The following AP3B1 variants were observed in gnomAD, a reference collection of about 807,000 sequenced individuals.
AP3B1 encodes adaptor related protein complex 3 subunit beta 1, also known as AP-3 complex subunit beta-1.
A neutral mutation model predicts 132.5 loss-of-function variants in AP3B1; 61 were observed. The ratio of observed to expected loss-of-function variants is 0.46; its 90% CI spans 0.37 to 0.57. AP3B1 has a LOEUF of 0.57. Among genes scored for constraint, AP3B1 ranks in the 20% least tolerant of loss-of-function variants. The pLI is 0.00. For missense variants in AP3B1, 1,120 were observed against 1,289.4 expected, an observed-to-expected ratio of 0.87 and a Z score of 2.01; for synonymous variants, 388 against 438.3, an observed-to-expected ratio of 0.89 and a Z score of 1.43.
In AP3B1 at chr5:78,201,122, C is replaced by T. The variant is rs137859016; in HGVS notation, c.786+14933G>A. The stretch of plus-strand genomic sequence containing the variant: ...CCTGCCAACACCTTGAGATCTTGCA[C>T]TTCTAGATATCAGAACTGTGAGAAA... On this transcript the variant is annotated intron_variant, in intron 7 of 26. Coordinates refer to ENST00000255194, the MANE Select transcript of AP3B1 (RefSeq NM_003664.5). Among the ~76,000 whole-genome samples the T allele has an allele frequency of 1.5e-4, 23 of 152,306 alleles. No homozygotes were observed. The East Asian group carries it at 4.4e-3, about 29-fold the overall frequency.
intron 3 of AP3B1, among the ~76,000 whole-genome samples, chr5:78,229,578 A>C (rs1244403345): frequency 2.0e-5 from 3 of 150,622 alleles, no homozygotes; most frequent in African/African-American, 7.3e-5. Flanking sequence ...AGTAAAACAA[A>C]AAAAAAAAAA....
intron 7 of AP3B1, among the ~76,000 whole-genome samples, chr5:78,208,627 A>G (rs758637985): frequency 5.3e-5 from 8 of 152,198 alleles, no homozygotes; most frequent in Non-Finnish European, 1.0e-4. Context: ...CATTAGGCAT[A>G]TAACTACTCT....
intron 1 of AP3B1, among the ~76,000 whole-genome samples, chr5:78,275,569 G>A (rs984407798): frequency 1.9e-4 from 29 of 152,034 alleles, no homozygotes; most frequent in African/African-American, 6.3e-4. Context: ...TCCGCCTCCC[G>A]GGTTCAAGCA....
rs553263491 is a variant in AP3B1, at chr5:78,121,083, C to T, written c.1969-4849G>A. On this transcript the variant is annotated intron_variant, in intron 17 of 26. Coordinates refer to ENST00000255194, the MANE Select transcript of AP3B1 (RefSeq NM_003664.5). ...TGCATGGAAACTGAACAACCTGCTC[C>T]TGAATGACTACTGGGTACATAACAA... Among the ~76,000 whole-genome samples the T allele has an allele frequency of 7.3e-4, 111 of 152,272 alleles. 2 individuals carry two copies. The highest frequency in any genetic ancestry group is 1.7e-3 in the South Asian group (8 of 4,820).
chr5:78,157,838 C>T (rs1205812025), intron 13 of AP3B1, among the ~76,000 whole-genome samples: 6 of 152,098 alleles, frequency 3.9e-5, no homozygotes, highest in African/African-American at 1.4e-4. Context: ...CAACTTCCAC[C>T]TCCCAGATTC....
At chr5:78,175,206 C>A (rs1744098763) in intron 11 of AP3B1, among the ~76,000 whole-genome samples, 1 of 152,226 alleles carries the variant, frequency 6.6e-6, no homozygotes. Flanking sequence ...TCTGCTTTAG[C>A]TCACCCTCTG....
chr5:78,245,949 A>T (rs979725742), intron 2 of AP3B1, among the ~76,000 whole-genome samples: 1 of 152,212 alleles, frequency 6.6e-6, no homozygotes, highest in Non-Finnish European at 1.5e-5. Context: ...AAAGGAAGAC[A>T]AGTTTTCAGG....
intron 1 of AP3B1, among the ~76,000 whole-genome samples, chr5:78,286,915 T>G (rs1749305668): frequency 6.6e-6 from 1 of 152,226 alleles, no homozygotes; most frequent in South Asian, 2.1e-4. Context: ...GAAAATCATT[T>G]CCTTCTTGAT....
chr5:78,170,647 G>A (rs1467865519), intron 11 of AP3B1, among the ~76,000 whole-genome samples: 1 of 152,000 alleles, frequency 6.6e-6, no homozygotes, highest in Non-Finnish European at 1.5e-5. Flanking sequence ...TTGTCAGATG[G>A]GTAGATTGCA....
chr5:78,181,223 G>A (rs546650409), intron 8 of AP3B1, among the ~76,000 whole-genome samples: 1 of 152,058 alleles, frequency 6.6e-6, no homozygotes, highest in Non-Finnish European at 1.5e-5. Flanking sequence ...AAACGTAAAT[G>A]AAGTCCAATA....
intron 24 of AP3B1, among the ~76,000 whole-genome samples, chr5:78,023,708 G>A (rs75976265): frequency 0.013 from 1,917 of 152,270 alleles, 29 homozygotes; most frequent in Admixed American, 0.032. Context: ...GAAAAAAGGC[G>A]TGTGCCAAAT....
intron 2 of AP3B1, among the ~76,000 whole-genome samples, chr5:78,250,344 G>C (rs1297680495): frequency 6.6e-6 from 1 of 152,150 alleles, no homozygotes; most frequent in Non-Finnish European, 1.5e-5. Context: ...AGAACTTAAT[G>C]AAGACGTACC....
intron 26 of AP3B1, among the ~76,000 whole-genome samples, chr5:78,010,225 TA>T (rs778213350): frequency 7.9e-5 from 12 of 152,310 alleles, no homozygotes; most frequent in Middle Eastern, 3.4e-3. Context: ...GACTAATCAG[TA>T]AAAAATAAAA....
intron 7 of AP3B1, among the ~76,000 whole-genome samples, chr5:78,206,082 C>A (rs1332962532): frequency 6.6e-5 from 10 of 151,762 alleles, no homozygotes; most frequent in African/African-American, 2.4e-4. Context: ...ATTTCCACAA[C>A]AAATTTTAAA....
At chr5:78,282,360 AAAG>A (rs1351109415) in intron 1 of AP3B1, among the ~76,000 whole-genome samples, 2 of 151,310 alleles carry the variant, frequency 1.3e-5, no homozygotes, top group African/African-American at 4.8e-5. Flanking sequence ...ATAGGATACA[AAAG>A]AAGACTGAAA....
At chr5:78,127,965 A>G in intron 17 of AP3B1, 65 bp downstream of exon 17, 1 of 1,586,784 alleles carries the variant, frequency 6.3e-7, no homozygotes, top group Non-Finnish European at 8.6e-7. Flanking sequence ...CTTTTATATA[A>G]AACAATAGCT....
intron 15 of AP3B1, among the ~76,000 whole-genome samples, chr5:78,133,483 T>A (rs1047383391): frequency 1.3e-5 from 2 of 152,162 alleles, no homozygotes; most frequent in African/African-American, 4.8e-5. Flanking sequence ...TTAAGGCAAA[T>A]ATTAGTGATA....
intron 17 of AP3B1, among the ~76,000 whole-genome samples, chr5:78,126,869 C>A (rs963853046): frequency 6.6e-6 from 1 of 152,116 alleles, no homozygotes; most frequent in Non-Finnish European, 1.5e-5. Flanking sequence ...TGAACTTAGG[C>A]GATTTACTTT....
intron 24 of AP3B1, among the ~76,000 whole-genome samples, chr5:78,022,048 CATA>C (rs1258730739): frequency 6.6e-6 from 1 of 152,034 alleles, no homozygotes; most frequent in Non-Finnish European, 1.5e-5. Context: ...AGACAAATGA[CATA>C]ATATAAAAAA....
Sources: allele counts gnomAD v4.1 joint callset (sites outside exome capture counted in the v4.1 genomes callset), GRCh38; gene constraint gnomAD v4.1.1; transcripts MANE v1.5; gene names NCBI Gene and HGNC (gene_info 2026-07-23, HGNC 2026-07-21).